BAD: variants seen among roughly 807,000 people sequenced by gnomAD.
BAD encodes the protein BCL2 associated agonist of cell death.
In BAD, 18 loss-of-function variants were observed where a neutral mutation model predicts 17.8. The ratio of observed to expected loss-of-function variants is 1.01; its 90% confidence interval spans 0.70 to 1.50. BAD has a LOEUF of 1.50. Among genes scored for constraint, BAD ranks in the 40% most tolerant of loss-of-function variants. The pLI is 0.00. For missense variants in BAD, 294 were observed against 239.3 expected, an observed-to-expected ratio of 1.23 and a Z score of -1.51; for synonymous variants, 112 against 91.5, an observed-to-expected ratio of 1.22 and a Z score of -1.28.
At chr11:64,275,891 G>C (rs2033022183) in intron 2 of BAD, 1 of 152,052 alleles carries the variant, frequency 6.6e-6, no homozygotes. Context: ...TTTGATCCTT[G>C]CCACACCCTA....
rs1450077691 is a variant in BAD at position 64,270,311 on chromosome 11, C to T, written c.405G>A (p.Ala135=). Residue 135 remains alanine (A), a synonymous_variant, in exon 4 of 4, where the codon GCG becomes GCA. Transcript: ENST00000309032. ...FKKGLPRPKS[A]GTATQMRQSS... ...TTTGCCGCATCTGCGTTGCTGTGCCCGCGCTCTTCGGGCGAGGAAGTCCCT... is the reference window on the plus strand; with the variant it reads ...TTTGCCGCATCTGCGTTGCTGTGCCTGCGCTCTTCGGGCGAGGAAGTCCCT... 9.6e-6 allele frequency: 15 copies of T among 1,570,284 alleles called. No individual in the cohort carries two copies. The highest frequency in any genetic ancestry group is 1.3e-5 in the Non-Finnish European group (15 of 1,152,316).
At chr11:64,280,024 T>C (rs2033335803) in intron 2 of BAD, among the ~76,000 whole-genome samples, 1 of 151,172 alleles carries the variant, frequency 6.6e-6, no homozygotes, top group African/African-American at 2.4e-5. Flanking sequence ...TCTCTAAAAT[T>C]AATAATAATT....
At chr11:64,276,927 G>A (rs1348756933) in intron 2 of BAD, 1 of 761,876 alleles carries the variant, frequency 1.3e-6, no homozygotes, top group Admixed American at 1.8e-5. Context: ...TTCTCTGCGT[G>A]TTGGGCTTCT....
At chr11:64,273,669 CAGG>C (rs771718290) in intron 2 of BAD, among the ~76,000 whole-genome samples, 2 of 151,770 alleles carry the variant, frequency 1.3e-5, no homozygotes, top group Non-Finnish European at 2.9e-5. Flanking sequence ...ATCACGAGGT[CAGG>C]AGTTTAAGAC....
intron 2 of BAD, among the ~76,000 whole-genome samples, chr11:64,279,494 C>T (rs1052338215): frequency 8.5e-5 from 13 of 152,338 alleles, no homozygotes; most frequent in Admixed American, 2.6e-4. Context: ...CGGCCAGACG[C>T]GGTGGCTCAT....
chr11:64,271,757 C>G lies in BAD; in HGVS notation c.234G>C (p.Ala78=). 6.9e-7 allele frequency: 1 copy of G among 1,445,624 alleles called. No homozygotes were observed. Among genetic ancestry groups the G allele is most frequent in the Non-Finnish European group, 9.1e-7 (1 of 1,099,508 alleles). 89.5% of individuals were successfully genotyped at this position (1,445,624 alleles called of 1,614,324 possible). The part of the protein sequence containing the change: ...EIRSRHSSYP[A]GTEDDEGMGE... ...CCATCCCTTCGTCGTCCTCCGTCCC[C>G]GCGGGGTAGGAGCTGTGGCGACTCC... The change falls in exon 3 of 4, where the codon GCG becomes GCC. Residue 78 remains alanine (A), a synonymous_variant. Transcript: ENST00000309032.
intron 2 of BAD, among the ~76,000 whole-genome samples, chr11:64,279,837 A>G (rs1157017564): frequency 6.6e-6 from 1 of 150,636 alleles, no homozygotes; most frequent in African/African-American, 2.4e-5. Flanking sequence ...CTCACCCTTC[A>G]GTGTTTCTTC....
Position 64,271,665 on chromosome 11 carries a change from C to G in BAD, c.326G>C (p.Arg109Pro), listed in dbSNP as rs2032622163. 1 of 1,508,610 alleles carries G rather than the reference C, an allele frequency of 6.6e-7. No individual in the cohort carries two copies. The highest frequency in any genetic ancestry group is 2.3e-5 in the Admixed American group (1 of 44,308). The allele number at this position is 1,508,610 out of a possible 1,614,324, so 93.5% of individuals were successfully genotyped here. A position where few individuals can be genotyped will look rare whatever the true frequency, so the allele number is the denominator to read the frequency against. The change falls in exon 3 of 4, where the codon CGC (arginine) becomes CCC (proline). Residue 109 changes from arginine to proline, a missense_variant. By Grantham distance (103) the Arg-to-Pro change is moderately radical (BLOSUM62 -2). Transcript: ENST00000309032. ...CATCCTCCGGAGCTCGCGGCCATAGCGCTGTGCTGCCCAGAGGTTGGGGGG... is the reference window on the plus strand; with the variant it reads ...CATCCTCCGGAGCTCGCGGCCATAGGGCTGTGCTGCCCAGAGGTTGGGGGG... ...SAPPNLWAAQ[R>P]YGRELRRMSD...
intron 2 of BAD, among the ~76,000 whole-genome samples, chr11:64,279,530 G>T (rs2033289061): frequency 6.6e-6 from 1 of 152,256 alleles, no homozygotes; most frequent in South Asian, 2.1e-4. Flanking sequence ...ATTTTGGGAG[G>T]CTGAGGCGGG....
intron 2 of BAD, among the ~76,000 whole-genome samples, chr11:64,274,386 C>T (rs1350144916): frequency 7.3e-6 from 1 of 136,850 alleles, no homozygotes; most frequent in African/African-American, 2.8e-5. Flanking sequence ...AACTCTACCT[C>T]GAGAAAAAAA....
Position 64,270,165 on chromosome 11 carries a change from C to A in BAD, c.*44G>T. 1.9e-6 allele frequency: 3 copies of A among 1,613,866 alleles called. No individual in the cohort carries two copies. Among genetic ancestry groups the A allele is most frequent in the Non-Finnish European group, 2.5e-6 (3 of 1,179,930 alleles). On this transcript the variant is annotated 3_prime_UTR_variant, in exon 4 of 4. Transcript: ENST00000309032. ...TCCGCCCATATTCAAGATGGCTGCC[C>A]AGGGCAGTGGGAACGGGTGGAGTTT...
chr11:64,275,314 C>T (rs1473907161), intron 2 of BAD, among the ~76,000 whole-genome samples: 1 of 152,212 alleles, frequency 6.6e-6, no homozygotes, highest in African/African-American at 2.4e-5. Context: ...ACTGACGGAA[C>T]AGGCCTGTCT....
chr11:64,270,730 G>A, intron 3 of BAD: 1 of 483,544 alleles, frequency 2.1e-6, no homozygotes, highest in Non-Finnish European at 4.1e-6. Flanking sequence ...AGGAGTTCCA[G>A]GCTGCAGTGA....
intron 2 of BAD, among the ~76,000 whole-genome samples, chr11:64,281,168 G>A (rs1375364883): frequency 6.6e-6 from 1 of 151,962 alleles, no homozygotes; most frequent in Non-Finnish European, 1.5e-5. Flanking sequence ...GGGGTTCACC[G>A]TGTTAGCCAG....
chr11:64,280,359 T>TAA (rs398115461), intron 2 of BAD, among the ~76,000 whole-genome samples: 132 of 113,312 alleles, frequency 1.2e-3, no homozygotes, highest in African/African-American at 2.9e-3. Flanking sequence ...ATAATAATAA[T>TAA]TTTTTTTTTT....
intron 2 of BAD, 128 bp downstream of exon 2, chr11:64,284,054 G>A: frequency 1.7e-6 from 2 of 1,156,684 alleles, no homozygotes; most frequent in South Asian, 1.6e-5. Flanking sequence ...TACGAAAGAG[G>A]AAACTGGGGC....
chr11:64,277,572 G>C (rs2033159726), intron 2 of BAD, among the ~76,000 whole-genome samples: 1 of 152,122 alleles, frequency 6.6e-6, no homozygotes, highest in South Asian at 2.1e-4. Context: ...TGAGTAGCTT[G>C]GACTACAGGC....
At chr11:64,270,916 C>T in intron 3 of BAD, among the ~76,000 whole-genome samples, 1 of 132,620 alleles carries the variant, frequency 7.5e-6, no homozygotes, top group Non-Finnish European at 1.7e-5. Flanking sequence ...CACACACACA[C>T]ACACACACAC....
chr11:64,276,877 G>A, intron 2 of BAD: 1 of 749,984 alleles, frequency 1.3e-6, no homozygotes, highest in African/African-American at 1.7e-5. Flanking sequence ...GCTGTGGCTA[G>A]AAGTGCCCCA....
Sources: allele counts gnomAD v4.1 joint callset (sites outside exome capture counted in the v4.1 genomes callset), GRCh38; gene constraint gnomAD v4.1.1; transcripts MANE v1.5; gene names NCBI Gene and HGNC (gene_info 2026-07-23, HGNC 2026-07-21).